Variants in THSD7A observed in about 807,000 individuals in gnomAD.
THSD7A encodes thrombospondin type 1 domain containing 7A.
In THSD7A, 96 loss-of-function variants were observed where a neutral mutation model predicts 231.3. The ratio of observed to expected loss-of-function variants is 0.41; its 90% CI spans 0.35 to 0.49. THSD7A has a LOEUF of 0.49. Among genes scored for constraint, THSD7A ranks in the 20% least tolerant of loss-of-function variants. The pLI is 0.05. For missense variants in THSD7A, 2,290 were observed against 2,070.2 expected (o/e 1.11, Z -2.06); for synonymous variants, 940 against 743.3 (o/e 1.26, Z -4.30).
At chr7:11,451,253 C>A (rs1785133733) in intron 11 of THSD7A, among the ~76,000 whole-genome samples, 1 of 151,964 alleles carries the variant, frequency 6.6e-6, no homozygotes, top group Non-Finnish European at 1.5e-5. Flanking sequence ...CTTTTGGAAC[C>A]TCAGTTTGAA....
intron 1 of THSD7A, among the ~76,000 whole-genome samples, chr7:11,649,017 C>T (rs530167641): frequency 4.9e-4 from 75 of 152,046 alleles, no homozygotes; most frequent in African/African-American, 1.8e-3. Flanking sequence ...TTATAGTGCT[C>T]TCTGATATTG....
intron 4 of THSD7A, among the ~76,000 whole-genome samples, chr7:11,582,770 A>T (rs1791220757): frequency 6.6e-6 from 1 of 152,108 alleles, no homozygotes; most frequent in African/African-American, 2.4e-5. Flanking sequence ...TTCACTATTA[A>T]TTTGCTAATT....
At chr7:11,753,708 T>C (rs1375422720) in intron 1 of THSD7A, among the ~76,000 whole-genome samples, 1 of 151,802 alleles carries the variant, frequency 6.6e-6, no homozygotes, top group Non-Finnish European at 1.5e-5. Flanking sequence ...TGAAAAACAC[T>C]TAAGAAAGTT....
chr7:11,621,251 C>T (rs924537313), intron 2 of THSD7A, among the ~76,000 whole-genome samples: 5 of 152,156 alleles, frequency 3.3e-5, no homozygotes, highest in East Asian at 1.9e-4. Flanking sequence ...ATTAACCTTA[C>T]ATGACATAAT....
Position 11,541,548 on chromosome 7 carries a change from C to T in THSD7A, c.1693G>A (p.Ala565Thr), listed in dbSNP as rs777777735. The change falls in exon 6 of 28, where the codon GCC becomes ACC. Residue 565 changes from alanine (A) to threonine (T), a missense_variant. Ala to Thr is a moderately conservative substitution (Grantham distance 58). Transcript: ENST00000423059. The part of the protein sequence containing the change: ...VTGNCPHLLE[A>T]IPCEEPACYD... ...CAGGCAGGCTCTTCACAGGGAATGG[C>T]TTCCAGTAAGTGAGGGCAGTTTCCG... 7.4e-6 allele frequency: 12 copies of T among 1,613,860 alleles called. No homozygotes were observed. Among genetic ancestry groups the T allele is most frequent in the Non-Finnish European group, 1.0e-5 (12 of 1,179,900 alleles).
chr7:11,750,190 G>A (rs768209256), intron 1 of THSD7A, among the ~76,000 whole-genome samples: 4 of 151,684 alleles, frequency 2.6e-5, no homozygotes, highest in African/African-American at 4.8e-5. Flanking sequence ...CAAGCATGTA[G>A]CATACCAACG....
At chr7:11,428,259 A>T (rs760515448) in intron 14 of THSD7A, among the ~76,000 whole-genome samples, 4 of 152,202 alleles carry the variant, frequency 2.6e-5, no homozygotes, top group Non-Finnish European at 5.9e-5. Flanking sequence ...CAAACATGGT[A>T]ATAATTGTCT....
At chr7:11,769,151 ATATT>A (rs1290541599) in intron 1 of THSD7A, among the ~76,000 whole-genome samples, 2 of 35,470 alleles carry the variant, frequency 5.6e-5, no homozygotes, top group African/African-American at 1.8e-4. Context: ...ATATATATAT[ATATT>A]TTTTTTTTTT....
At chr7:11,728,091 C>T (rs1411798272) in intron 1 of THSD7A, among the ~76,000 whole-genome samples, 3 of 151,946 alleles carry the variant, frequency 2.0e-5, no homozygotes, top group Non-Finnish European at 4.4e-5. Flanking sequence ...AATGCAAGCT[C>T]TCAAGTTTTA....
chr7:11,434,379 A>AG (rs145016727), intron 13 of THSD7A, among the ~76,000 whole-genome samples: 7,664 of 152,210 alleles, frequency 0.05, 400 homozygotes, highest in African/African-American at 0.11. Flanking sequence ...TAAATACAAA[A>AG]GACTAGCAGG....
intron 1 of THSD7A, among the ~76,000 whole-genome samples, chr7:11,739,518 T>C (rs1161409415): frequency 6.6e-6 from 1 of 151,924 alleles, no homozygotes; most frequent in Non-Finnish European, 1.5e-5. Context: ...GCCAGATGAG[T>C]ACCATTCACT....
At chr7:11,775,119 C>T (rs1009194344) in intron 1 of THSD7A, among the ~76,000 whole-genome samples, 2 of 152,052 alleles carry the variant, frequency 1.3e-5, no homozygotes, top group Non-Finnish European at 2.9e-5. Flanking sequence ...TTATTTACTG[C>T]ACTATAATTT....
intron 1 of THSD7A, among the ~76,000 whole-genome samples, chr7:11,727,503 A>G (rs112219756): frequency 0.014 from 2,066 of 152,110 alleles, 46 homozygotes; most frequent in African/African-American, 0.046. Flanking sequence ...TTATTATAAG[A>G]TAGACATTCA....
intron 1 of THSD7A, among the ~76,000 whole-genome samples, chr7:11,772,745 A>G (rs1783275077): frequency 6.6e-6 from 1 of 152,114 alleles, no homozygotes; most frequent in Non-Finnish European, 1.5e-5. Context: ...GTGAGTCAAA[A>G]AATTACCTAT....
At chr7:11,685,164 T>A (rs547797312) in intron 1 of THSD7A, among the ~76,000 whole-genome samples, 1 of 152,034 alleles carries the variant, frequency 6.6e-6, no homozygotes, top group South Asian at 2.1e-4. Context: ...AAAAACTGGC[T>A]AACTATATGC....
At position 11,375,436 on chromosome 7, in the gene THSD7A, AT is replaced by A. The variant is rs1455861729; in HGVS notation, c.*357del. Reference sequence around the variant, plus strand: ...CTCTTCATGCTAGGAAGTTTTATGGATTAACACTGCAGACGGTCTTGTATCA... The same window carrying A: ...CTCTTCATGCTAGGAAGTTTTATGGATAACACTGCAGACGGTCTTGTATCA... On this transcript the variant is annotated 3_prime_UTR_variant, in exon 28 of 28. Transcript: ENST00000423059. 1 of 174,298 alleles carries A rather than the reference AT, an allele frequency of 5.7e-6. No individual in the cohort carries two copies. Among genetic ancestry groups the A allele is most frequent in the Non-Finnish European group, 1.2e-5 (1 of 82,800 alleles). The allele number at this position is 174,298 out of a possible 1,614,324, so 10.8% of individuals were successfully genotyped here.
chr7:11,753,790 C>CAG lies in THSD7A; in HGVS notation c.190+77965_190+77966dup, dbSNP rs763393318. ...AATGCAATGGAGAGAGAGAGAGAGA[C>CAG]AGAGAGAGAGAGAGAGACAGAGAGA... On this transcript the variant is annotated intron_variant, in intron 1 of 27. Transcript: ENST00000423059. Among the ~76,000 whole-genome samples the CAG allele has an allele frequency of 5.9e-3, 873 of 148,848 alleles. 17 individuals are homozygous for CAG. The highest frequency in any genetic ancestry group is 0.04 in the East Asian group (205 of 5,064).
At chr7:11,721,921 CTCT>C (rs1433865312) in intron 1 of THSD7A, among the ~76,000 whole-genome samples, 2 of 151,754 alleles carry the variant, frequency 1.3e-5, no homozygotes, top group East Asian at 3.9e-4. Flanking sequence ...ATATATTGAA[CTCT>C]TCTTATATTT....
chr7:11,645,786 A>AGAT (rs1343751885), intron 1 of THSD7A, among the ~76,000 whole-genome samples: 1 of 151,876 alleles, frequency 6.6e-6, no homozygotes, highest in African/African-American at 2.4e-5. Context: ...ATCAAGCAGT[A>AGAT]GATATAAAAA....
Sources: gnomAD v4.1 joint callset for allele counts (sites outside exome capture counted in the v4.1 genomes callset) on GRCh38, gnomAD v4.1.1 for gene constraint, MANE v1.5 for transcripts, NCBI Gene and HGNC (gene_info 2026-07-23, HGNC 2026-07-21) for gene names.